IFT122: variants seen among roughly 807,000 people sequenced by gnomAD.
IFT122 encodes intraflagellar transport 122.
Under a neutral mutation model 161.6 loss-of-function variants are expected in IFT122, and 118 were observed. The observed-to-expected ratio is 0.73, with a 90% CI of 0.63 to 0.85. The LOEUF is 0.85. IFT122 is among the 40% of genes least tolerant of loss of function. IFT122 has a pLI of 0.00. For synonymous variants in IFT122, 550 were observed against 602.4 expected (o/e 0.91, Z 1.27); for missense variants, 1,381 against 1,579.6 (o/e 0.87, Z 2.13).
At chr3:129,467,675 A>G (rs913370167) in intron 8 of IFT122, among the ~76,000 whole-genome samples, 1 of 152,166 alleles carries the variant, frequency 6.6e-6, no homozygotes, top group African/African-American at 2.4e-5. Context: ...TCTTCTCTTC[A>G]GTTGAGATTG....
intron 2 of IFT122, among the ~76,000 whole-genome samples, chr3:129,451,671 C>T (rs182714728): frequency 1.3e-5 from 2 of 152,132 alleles, no homozygotes; most frequent in Non-Finnish European, 2.9e-5. Context: ...AGTAATTGAA[C>T]CTTTGGTTCT....
intron 25 of IFT122, 101 bp downstream of exon 25, chr3:129,514,655 C>A: frequency 1.5e-6 from 2 of 1,350,470 alleles, no homozygotes; most frequent in Non-Finnish European, 2.1e-6. Flanking sequence ...GAGACAGCTG[C>A]AGCTCCCTCT....
intron 16 of IFT122, among the ~76,000 whole-genome samples, chr3:129,491,801 C>G (rs1056992634): frequency 3.9e-5 from 6 of 152,192 alleles, no homozygotes; most frequent in African/African-American, 1.4e-4. Flanking sequence ...CTGCGTGACC[C>G]CCCAGAGGGT....
At chr3:129,446,689 C>G (rs2074042396) in intron 1 of IFT122, among the ~76,000 whole-genome samples, 1 of 152,200 alleles carries the variant, frequency 6.6e-6, no homozygotes, top group South Asian at 2.1e-4. Flanking sequence ...CCGAGCTGCA[C>G]CCTGACCACC....
intron 21 of IFT122, among the ~76,000 whole-genome samples, chr3:129,504,818 A>G (rs1422986780): frequency 1.3e-5 from 2 of 152,032 alleles, no homozygotes; most frequent in Non-Finnish European, 2.9e-5. Context: ...ATTTGCCTGA[A>G]GTTTCATAGC....
chr3:129,514,307 C>G, intron 24 of IFT122, 82 bp from the exon 25 acceptor site: 1 of 1,489,450 alleles, frequency 6.7e-7, no homozygotes, highest in South Asian at 1.2e-5. Flanking sequence ...TGTGTTCCAG[C>G]CTGGGGCTCA....
intron 15 of IFT122, among the ~76,000 whole-genome samples, chr3:129,487,085 A>G (rs1193869541): frequency 2.0e-5 from 3 of 152,256 alleles, no homozygotes; most frequent in African/African-American, 4.8e-5. Flanking sequence ...CAAAAGCCCC[A>G]AATGGAGAAA....
intron 15 of IFT122, chr3:129,487,683 G>A (rs1005387554): frequency 2.3e-5 from 4 of 175,512 alleles, no homozygotes; most frequent in African/African-American, 9.5e-5. Flanking sequence ...TTCCTCCCAC[G>A]AACTCATTCA....
intron 20 of IFT122, 33 bp from the exon 21 acceptor site, chr3:129,504,286 C>T: frequency 6.4e-7 from 1 of 1,557,474 alleles, no homozygotes; most frequent in Non-Finnish European, 8.9e-7. Context: ...GCAGGGGCAG[C>T]TTTATTAAGA....
chr3:129,505,950 CCTT>C (rs2082146405), intron 21 of IFT122, among the ~76,000 whole-genome samples: 1 of 152,158 alleles, frequency 6.6e-6, no homozygotes, highest in Non-Finnish European at 1.5e-5. Flanking sequence ...GGATAATTTT[CCTT>C]CTTCATAAGT....
Position 129,476,801 on chromosome 3 carries a change from G to T in IFT122, c.1147G>T (p.Val383Phe). ...IVQHLITEQK[V>F]RIKCKELVKK... Reference sequence around the variant, plus strand: ...GCAGCACCTGATCACTGAGCAGAAAGGTAAGAGGCAGGTCCAGACCTTGGG... The same window carrying T: ...GCAGCACCTGATCACTGAGCAGAAATGTAAGAGGCAGGTCCAGACCTTGGG... The change falls in exon 11 of 30, where the codon GTT becomes TTT. Residue 383 changes from valine to phenylalanine, a missense_variant and splice_region_variant. Val to Phe is a conservative substitution (Grantham distance 50, BLOSUM62 -1). Coordinates refer to ENST00000348417, the MANE Select transcript of IFT122 (RefSeq NM_052989.3). The T allele has an allele frequency of 1.9e-6, 3 of 1,614,158 alleles. No homozygotes were observed. The highest frequency in any genetic ancestry group is 2.5e-6 in the Non-Finnish European group (3 of 1,180,038).
chr3:129,480,933 T>G (rs55739764), intron 13 of IFT122, among the ~76,000 whole-genome samples: 20,179 of 152,132 alleles, frequency 0.13, 1,706 homozygotes, highest in South Asian at 0.24. Context: ...GGTACCTGTT[T>G]TCCCAGCTAC....
At chr3:129,454,513 T>TTTTGTGTGTGTGTGTGTGTG (rs367834133) in intron 3 of IFT122, among the ~76,000 whole-genome samples, 1 of 131,224 alleles carries the variant, frequency 7.6e-6, no homozygotes, top group East Asian at 2.4e-4. Context: ...GTAGTCATAT[T>TTTTGTGTGTGTGTGTGTGTG]TGTGTGTGTG....
chr3:129,518,339 A>AG (rs1469481510), intron 27 of IFT122, among the ~76,000 whole-genome samples: 1 of 152,178 alleles, frequency 6.6e-6, no homozygotes, highest in Non-Finnish European at 1.5e-5. Context: ...TGGACATGGG[A>AG]GGGGCTTCTG....
At chr3:129,495,932 AAATCCTCTC>A (rs1190501099) in intron 18 of IFT122, among the ~76,000 whole-genome samples, 1 of 152,196 alleles carries the variant, frequency 6.6e-6, no homozygotes, top group Middle Eastern at 3.2e-3. Flanking sequence ...TGTCCCCCAC[AAATCCTCTC>A]AATCCTTGTC....
chr3:129,476,097 T>G lies in IFT122; in HGVS notation c.817-218T>G, dbSNP rs73204210. The G allele has an allele frequency of 0.082, 47,832 of 585,278 alleles. 2,237 individuals are homozygous for G. The highest frequency in any genetic ancestry group is 0.13 in the Middle Eastern group (295 of 2,188). 36.3% of individuals were successfully genotyped at this position (585,278 alleles called of 1,614,324 possible). A position where few individuals can be genotyped will look rare whatever the true frequency, so the allele number is the denominator to read the frequency against. On this transcript the variant is annotated intron_variant, in intron 9 of 29. Coordinates refer to ENST00000348417, the MANE Select transcript of IFT122 (RefSeq NM_052989.3). Reference sequence around the variant, plus strand: ...TGGGACTAGGGGAGGTGCCACTGACTCCAGGAGCTGAGGTTTGGGCTGTGT... The same window carrying G: ...TGGGACTAGGGGAGGTGCCACTGACGCCAGGAGCTGAGGTTTGGGCTGTGT...
At chr3:129,450,044 G>A (rs1156818613) in intron 2 of IFT122, 107 bp downstream of exon 2, 2 of 797,162 alleles carry the variant, frequency 2.5e-6, no homozygotes, top group African/African-American at 1.7e-5. Flanking sequence ...AAAAGGCAAG[G>A]GTGGAAAAAC....
At chr3:129,470,928 T>G (rs2077306485) in intron 9 of IFT122, among the ~76,000 whole-genome samples, 1 of 152,234 alleles carries the variant, frequency 6.6e-6, no homozygotes, top group African/African-American at 2.4e-5. Flanking sequence ...GAACATCATA[T>G]ACTGTAAGTA....
At chr3:129,496,901 C>T (rs1031593828) in intron 18 of IFT122, among the ~76,000 whole-genome samples, 6 of 152,154 alleles carry the variant, frequency 3.9e-5, no homozygotes, top group African/African-American at 9.7e-5. Context: ...CAGGATGAAC[C>T]CTTAAGGGAT....
Sources: allele counts gnomAD v4.1 joint callset (sites outside exome capture counted in the v4.1 genomes callset), GRCh38; gene constraint gnomAD v4.1.1; transcripts MANE v1.5; gene names NCBI Gene and HGNC (gene_info 2026-07-23, HGNC 2026-07-21).